The following HNF1A variants were observed in gnomAD, a reference collection of about 807,000 sequenced individuals.
The protein encoded by HNF1A is HNF1 homeobox A.
A neutral mutation model predicts 62.2 loss-of-function variants in HNF1A; 21 were observed. The observed-to-expected ratio is 0.34, with a 90% CI of 0.24 to 0.49. The LOEUF (loss-of-function observed/expected upper bound fraction) is 0.49. HNF1A is among the 20% of genes least tolerant of loss of function. HNF1A has a pLI of 0.99. For missense variants in HNF1A, 687 were observed against 832.3 expected, an observed-to-expected ratio of 0.83 and a Z score of 2.15; for synonymous variants, 374 against 366.8, an observed-to-expected ratio of 1.02 and a Z score of -0.22.
chr12:120,990,599 T>A (rs1016763172), intron 2 of HNF1A, among the ~76,000 whole-genome samples: 1 of 114,962 alleles, frequency 8.7e-6, no homozygotes, highest in Admixed American at 8.9e-5. Flanking sequence ...GGAAAGATGA[T>A]AGGAAAGGGA....
At chr12:121,000,091 A>G (rs1192021674) in intron 9 of HNF1A, among the ~76,000 whole-genome samples, 1 of 152,242 alleles carries the variant, frequency 6.6e-6, no homozygotes, top group Non-Finnish European at 1.5e-5. Flanking sequence ...ACAGTGCACC[A>G]GGCCTCACTG....
intron 2 of HNF1A, among the ~76,000 whole-genome samples, chr12:120,993,199 T>C (rs1018969577): frequency 7.9e-5 from 12 of 152,170 alleles, no homozygotes; most frequent in Non-Finnish European, 1.5e-4. Context: ...ACAATGGGGA[T>C]AGTAAATGTG....
intron 1 of HNF1A, among the ~76,000 whole-genome samples, chr12:120,985,585 C>A (rs981138973): frequency 4.0e-5 from 6 of 151,568 alleles, no homozygotes; most frequent in African/African-American, 1.5e-4. Context: ...GGTGGGAGAA[C>A]CAATTGAGCC....
Position 120,999,257 on chromosome 12 carries a change from C to T in HNF1A, c.1502-11C>T, listed in dbSNP as rs773761706. 69 of 1,613,810 alleles carry T rather than the reference C, an allele frequency of 4.3e-5. 1 individual carries two copies. Among genetic ancestry groups the T allele is most frequent in the Non-Finnish European group, 5.7e-5 (67 of 1,180,022 alleles). ...GTCTGCCACGTCTGCCCCTCTCTCC[C>T]CTGCGGCCAGCCCTCTACAGCCACA... On this transcript the variant is annotated splice_polypyrimidine_tract_variant and intron_variant, in intron 7 of 9. Coordinates refer to ENST00000257555, the MANE Select transcript of HNF1A (RefSeq NM_000545.8).
Position 120,984,343 on chromosome 12 carries a change from T to TGAGAAC in HNF1A, c.327-4486_327-4485insACGAGA, listed in dbSNP as rs762932092. Among the ~76,000 whole-genome samples the TGAGAAC allele has an allele frequency of 4.0e-4, 60 of 149,414 alleles. No homozygotes were observed. The Middle Eastern group carries it at 0.01, about 26-fold the overall frequency. ...TTGACCTGGCATGAGAGAATGAGAA[T>TGAGAAC]GAGAGAGAGAGAGAGAGAAAGAAAC... is the stretch of plus-strand genomic sequence containing the variant. On this transcript the variant is annotated intron_variant, in intron 1 of 9. Coordinates refer to ENST00000257555, the MANE Select transcript of HNF1A (RefSeq NM_000545.8).
At chr12:120,985,727 G>A (rs949560631) in intron 1 of HNF1A, among the ~76,000 whole-genome samples, 5 of 151,824 alleles carry the variant, frequency 3.3e-5, no homozygotes, top group Admixed American at 2.0e-4. Context: ...GCTCACACCT[G>A]TAATCCCAGC....
At chr12:120,989,171 A>G in intron 2 of HNF1A, 139 bp downstream of exon 2, 1 of 831,934 alleles carries the variant, frequency 1.2e-6, no homozygotes, top group Non-Finnish European at 2.0e-6. Flanking sequence ...TTCAACCTGC[A>G]TTTATTACCT....
At chr12:120,997,824 A>C (rs1451301512) in intron 7 of HNF1A, 159 bp downstream of exon 7, 1 of 789,170 alleles carries the variant, frequency 1.3e-6, no homozygotes, top group Non-Finnish European at 2.2e-6. Context: ...GTGTGTTCCC[A>C]TGTGAATGCA....
Position 120,997,657 on chromosome 12 carries a change from G to A in HNF1A, c.1493G>A (p.Ser498Asn). ...PFMATMAQLQ[S>N]PHALYSHKPE... is the part of the protein sequence containing the mutation. ...ATGGCCACCATGGCTCAGCTGCAGA[G>A]CCCCCACGGTGAGCGCCCTGTGCCC... The change falls in exon 7 of 10, where the codon AGC (serine) becomes AAC (asparagine). Residue 498 changes from serine to asparagine, a missense_variant. Ser to Asn is a conservative substitution (Grantham distance 46). Coordinates refer to ENST00000257555, the MANE Select transcript of HNF1A (RefSeq NM_000545.8). 1.2e-6 allele frequency: 2 copies of A among 1,611,294 alleles called. No individual in the cohort carries two copies. Among genetic ancestry groups the A allele is most frequent in the South Asian group, 1.1e-5 (1 of 90,546 alleles).
In HNF1A at chr12:120,988,876, C is replaced by A; in HGVS notation, c.370C>A (p.Gln124Lys). Residue 124 changes from glutamine (Q) to lysine (K), a missense_variant, in exon 2 of 10, where the codon CAG becomes AAG. This residue lies in a region of HNF1A where 26 missense variants were observed against 60.7 expected (regional missense o/e 0.43). Coordinates refer to ENST00000257555, the MANE Select transcript of HNF1A (RefSeq NM_000545.8). ...GGCGAAGATGGTCAAGTCCTACCTG[C>A]AGCAGCACAACATCCCACAGCGGGA... Reference protein sequence around the residue: ...RVAKMVKSYLQQHNIPQREVV... With the variant: ...RVAKMVKSYLKQHNIPQREVV... The A allele has an allele frequency of 6.2e-7, 1 of 1,614,252 alleles. No individual in the cohort carries two copies. Among genetic ancestry groups the A allele is most frequent in the Non-Finnish European group, 8.5e-7 (1 of 1,180,042 alleles).
Position 120,993,550 on chromosome 12 carries a change from T to C in HNF1A, c.557T>C (p.Ile186Thr), listed in dbSNP as rs587778396. 42 of 1,613,976 alleles carry C rather than the reference T, an allele frequency of 2.6e-5. No individual in the cohort carries two copies. The highest frequency in any genetic ancestry group is 4.5e-5 in the East Asian group (2 of 44,892). ...QFTHAGQGGL[I>T]EEPTGDELPT... ...ACCCATGCAGGGCAGGGAGGGCTGA[T>C]TGAAGAGCCCACAGGTGATGAGCTA... The change falls in exon 3 of 10, where the codon ATT becomes ACT. Residue 186 changes from isoleucine to threonine, a missense_variant. By Grantham distance (89) the Ile-to-Thr change is moderately conservative. This residue lies in a region of HNF1A where 47 missense variants were observed against 52.5 expected (regional missense o/e 0.90). Transcript: ENST00000257555.
At chr12:120,980,066 T>TACTTCC (rs1198495196) in intron 1 of HNF1A, among the ~76,000 whole-genome samples, 2 of 152,156 alleles carry the variant, frequency 1.3e-5, no homozygotes, top group Non-Finnish European at 1.5e-5. Context: ...GGAGGTTCAC[T>TACTTCC]ACTTCCTGGG....
chr12:120,999,615 G>T lies in HNF1A; in HGVS notation c.1756G>T (p.Ala586Ser). The change falls in exon 9 of 10, where the codon GCC (alanine) becomes TCC (serine). Residue 586 changes from alanine (A) to serine (S), a missense_variant. Coordinates refer to ENST00000257555, the MANE Select transcript of HNF1A (RefSeq NM_000545.8). The stretch of plus-strand genomic sequence containing the variant: ...CCTGCAGCCGGCCCACCGGCTCAGC[G>T]CCAGCCCCACAGGTGAGAGGCCCTG... The part of the protein sequence containing the change: ...QHLQPAHRLS[A>S]SPTVSSSSLV... 6.2e-7 allele frequency: 1 copy of T among 1,610,644 alleles called. No homozygotes were observed.
At position 120,996,794 on chromosome 12, in the gene HNF1A, C is replaced by G. The variant is rs56031130; in HGVS notation, c.1309+52C>G. On this transcript the variant is annotated intron_variant, in intron 6 of 9. Coordinates refer to ENST00000257555, the MANE Select transcript of HNF1A (RefSeq NM_000545.8). The surrounding 1 kb of genome is among the most constrained non-coding windows in gnomAD (Gnocchi z 4.5). ...CTGGGTGGGAGGCTCATGGGGCAAC[C>G]GCAGAATCCAGGAGCTGGAAGAGCC... is the stretch of plus-strand genomic sequence containing the variant. The G allele has an allele frequency of 1.9e-6, 3 of 1,602,842 alleles. No individual in the cohort carries two copies. The highest frequency in any genetic ancestry group is 8.5e-7 in the Non-Finnish European group (1 of 1,175,040).
rs1057520291 is a variant in HNF1A at position 120,989,017 on chromosome 12, C to A, written c.511C>A (p.Arg171=). The A allele has an allele frequency of 6.2e-7, 1 of 1,614,158 alleles. No individual in the cohort carries two copies. Among genetic ancestry groups the A allele is most frequent in the African/African-American group, 1.3e-5 (1 of 75,048 alleles). ...ALYTWYVRKQ[R]EVAQQFTHAG... is the part of the protein sequence containing the mutation. ...GTACACCTGGTACGTCCGCAAGCAG[C>A]GAGAGGTGGCGCAGCGTAAGTAATG... Residue 171 remains arginine (R), a synonymous_variant, in exon 2 of 10, where the codon CGA becomes AGA. Transcript: ENST00000257555.
chr12:120,978,744 C>G lies in HNF1A; in HGVS notation c.-25C>G. 1 of 1,609,960 alleles carries G rather than the reference C, an allele frequency of 6.2e-7. No homozygotes were observed. The highest frequency in any genetic ancestry group is 8.5e-7 in the Non-Finnish European group (1 of 1,177,682). On this transcript the variant is annotated 5_prime_UTR_variant, in exon 1 of 10. Transcript: ENST00000257555. ...GGCGGCTAGCGTGGTGGACCCGGGC[C>G]GCGTGGCCCTGTGGCAGCCGAGCCA...
intron 1 of HNF1A, chr12:120,979,870 G>A (rs1876161620): frequency 6.6e-6 from 1 of 152,224 alleles, no homozygotes; most frequent in Non-Finnish European, 1.5e-5. Flanking sequence ...ATGGCAAAAG[G>A]CTCTGATAAG....
chr12:120,997,825 T>C (rs1157987233), intron 7 of HNF1A, 160 bp downstream of exon 7: 4 of 789,710 alleles, frequency 5.1e-6, no homozygotes, highest in South Asian at 4.4e-5. Flanking sequence ...TGTGTTCCCA[T>C]GTGAATGCAC....
Position 120,999,362 on chromosome 12 carries a change from C to T in HNF1A, c.1596C>T (p.Ala532=). The part of the protein sequence containing the change: ...MLITDTTNLS[A]LASLTPTKQV... ...TCACCGACACCACCAACCTGAGCGC[C>T]CTGGCCAGCCTCACGCCCACCAAGC... The change falls in exon 8 of 10, where the codon GCC becomes GCT. Residue 532 remains alanine, a synonymous_variant. Transcript: ENST00000257555. 1.9e-6 allele frequency: 3 copies of T among 1,614,056 alleles called. No individual in the cohort carries two copies. The highest frequency in any genetic ancestry group is 2.5e-6 in the Non-Finnish European group (3 of 1,180,020).
Sources: gnomAD v4.1 joint callset for allele counts (sites outside exome capture counted in the v4.1 genomes callset) on GRCh38, gnomAD v4.1.1 for gene constraint, gnomAD v4.1.1 regional missense constraint, Gnocchi (gnomAD v3.1) non-coding constraint, MANE v1.5 for transcripts, NCBI Gene and HGNC (gene_info 2026-07-23, HGNC 2026-07-21) for gene names.